The following LRP2BP variants were observed in gnomAD, a reference collection of about 807,000 sequenced individuals.
LRP2BP encodes the protein LRP2 binding protein.
LRP2BP carries 38 observed loss-of-function variants against 45.2 expected under a neutral mutation model. The ratio of observed to expected loss-of-function variants is 0.84; its 90% CI spans 0.65 to 1.10. The LOEUF is 1.10. Among genes scored for constraint, LRP2BP ranks in the 50% least tolerant of loss-of-function variants. The pLI is 0.00. For synonymous variants in LRP2BP, 153 were observed against 153.9 expected, an observed-to-expected ratio of 0.99 and a Z score of 0.04; for missense variants, 385 against 418.9, an observed-to-expected ratio of 0.92 and a Z score of 0.71.
intron 1 of LRP2BP, among the ~76,000 whole-genome samples, chr4:185,394,011 C>T (rs1269058731): frequency 1.3e-5 from 2 of 152,168 alleles, no homozygotes; most frequent in African/African-American, 4.8e-5. Flanking sequence ...GTAATCCCAA[C>T]ATTTTGGAAG....
rs773456843 is a variant in LRP2BP at position 185,373,012 on chromosome 4, A to T, written c.647T>A (p.Met216Lys). ...NLESQGALGL[M>K]YLYGQGIRQD... The stretch of plus-strand genomic sequence containing the variant: ...CCGGATGCCTTGTCCATACAAGTAC[A>T]TGAGCCCAAGTGCACCCTGGGACTC... Residue 216 changes from methionine (M) to lysine (K), a missense_variant, in exon 7 of 9, where the codon ATG (methionine) becomes AAG (lysine). Met to Lys is a moderately conservative substitution (Grantham distance 95, BLOSUM62 -1). Coordinates refer to ENST00000505916, the MANE Select transcript of LRP2BP (RefSeq NM_001377440.1). 6.2e-7 allele frequency: 1 copy of T among 1,613,832 alleles called. No homozygotes were observed. The highest frequency in any genetic ancestry group is 8.5e-7 in the Non-Finnish European group (1 of 1,179,696).
At chr4:185,367,269 AT>A in intron 8 of LRP2BP, 24 bp from the exon 9 acceptor site, 1 of 1,590,976 alleles carries the variant, frequency 6.3e-7, no homozygotes, top group South Asian at 1.1e-5. Flanking sequence ...AGAGTCAGAT[AT>A]TTAGATACAT....
intron 2 of LRP2BP, 47 bp from the exon 3 acceptor site, chr4:185,377,065 T>C: frequency 4.8e-6 from 6 of 1,248,944 alleles, no homozygotes; most frequent in Non-Finnish European, 7.1e-6. Flanking sequence ...CAATATGAAT[T>C]TTCTCTCTTG....
chr4:185,369,528 A>AC (rs2095407676), intron 8 of LRP2BP, among the ~76,000 whole-genome samples: 2 of 152,114 alleles, frequency 1.3e-5, no homozygotes, highest in Admixed American at 6.5e-5. Context: ...ACAGGCATGA[A>AC]CCACTGTGCC....
rs116827659 is a variant in LRP2BP, at chr4:185,372,016, G to A, written c.803+840C>T. ...GCTTTTATACACTGTGGGTAAATAC[G>A]TGTAGGAAAGTACATGGAGCCTTAC... On this transcript the variant is annotated intron_variant, in intron 7 of 8. Coordinates refer to ENST00000505916, the MANE Select transcript of LRP2BP (RefSeq NM_001377440.1). 3.0e-3 allele frequency among the ~76,000 whole-genome samples: 456 copies of A among 152,268 alleles called. 3 individuals carry two copies. The highest frequency in any genetic ancestry group is 0.01 in the African/African-American group (433 of 41,548).
intron 8 of LRP2BP, chr4:185,370,006 C>T (rs1176252223): frequency 5.0e-6 from 1 of 199,730 alleles, no homozygotes; most frequent in Non-Finnish European, 1.0e-5. Flanking sequence ...TGTGATGGAC[C>T]TAAGATGTGC....
chr4:185,374,071 A>G (rs1221557787), intron 6 of LRP2BP, 64 bp downstream of exon 6: 34 of 1,348,664 alleles, frequency 2.5e-5, no homozygotes, highest in Non-Finnish European at 3.4e-5. Context: ...ATTTTCTCAA[A>G]AAAAGCAGTG....
upstream of LRP2BP, chr4:185,396,968 A>G: frequency 5.0e-6 from 8 of 1,613,260 alleles, no homozygotes; most frequent in Non-Finnish European, 6.8e-6. Flanking sequence ...TCGGGCTCAC[A>G]GAGCCCGAGC....
rs568212334 is a variant in LRP2BP, at chr4:185,366,889, G to A, written c.*291C>T. The A allele has an allele frequency of 9.6e-5, 21 of 218,298 alleles. No homozygotes were observed. The highest frequency in any genetic ancestry group is 4.1e-4 in the African/African-American group (18 of 43,998). The allele number at this position is 218,298 out of a possible 1,614,324, so 13.5% of individuals were successfully genotyped here. ...TTTGGAGACTCGGTGTTTAAGAAAG[G>A]ATAAACGATACTTGCTGTATAGAAT... On this transcript the variant is annotated 3_prime_UTR_variant, in exon 9 of 9. Coordinates refer to ENST00000505916, the MANE Select transcript of LRP2BP (RefSeq NM_001377440.1).
At position 185,367,072 on chromosome 4, in the gene LRP2BP, C is replaced by A; in HGVS notation, c.*108G>T. 1 of 971,532 alleles carries A rather than the reference C, an allele frequency of 1.0e-6. No homozygotes were observed. The highest frequency in any genetic ancestry group is 1.6e-6 in the Non-Finnish European group (1 of 627,310). The allele number at this position is 971,532 out of a possible 1,614,324, so 60.2% of individuals were successfully genotyped here. A position where few individuals can be genotyped will look rare whatever the true frequency, so the allele number is the denominator to read the frequency against. On this transcript the variant is annotated 3_prime_UTR_variant, in exon 9 of 9. Coordinates refer to ENST00000505916, the MANE Select transcript of LRP2BP (RefSeq NM_001377440.1). ...AGTAACATGTCACCTGTAAAATACC[C>A]AGGATAGTGTAATTTGTGATGTGCA...
chr4:185,390,188 T>C (rs1193221794), intron 1 of LRP2BP, among the ~76,000 whole-genome samples: 1 of 152,194 alleles, frequency 6.6e-6, no homozygotes, highest in African/African-American at 2.4e-5. Flanking sequence ...CAAGCTCTCA[T>C]GTCTCACTCA....
chr4:185,388,946 G>C (rs1197740375), intron 1 of LRP2BP, among the ~76,000 whole-genome samples: 1 of 151,940 alleles, frequency 6.6e-6, no homozygotes, highest in Non-Finnish European at 1.5e-5. Context: ...TGCGATCTCG[G>C]CTCACTGCAA....
At chr4:185,378,342 A>C in intron 1 of LRP2BP, 135 bp from the exon 2 acceptor site, 4 of 1,432,198 alleles carry the variant, frequency 2.8e-6, no homozygotes, top group African/African-American at 2.9e-5. Flanking sequence ...CCAACCACCA[A>C]CTCCAGGACG....
intron 1 of LRP2BP, among the ~76,000 whole-genome samples, chr4:185,391,095 T>A (rs1039033220): frequency 2.6e-5 from 4 of 152,236 alleles, no homozygotes; most frequent in Admixed American, 6.5e-5. Context: ...TTCCCTTGTT[T>A]TTCATAACCT....
In LRP2BP at chr4:185,395,883, T is replaced by A. The variant is rs762931711; in HGVS notation, c.-1126A>T. On this transcript the variant is annotated 5_prime_UTR_variant, in exon 1 of 9. Coordinates refer to ENST00000505916, the MANE Select transcript of LRP2BP (RefSeq NM_001377440.1). ...AAGAAACACTCGGCTGGAGCTTTGG[T>A]TTCTAAGCAGATCCTTCTGGAAAGA... is the stretch of plus-strand genomic sequence containing the variant. 332 of 985,398 alleles carry A rather than the reference T, an allele frequency of 3.4e-4. 1 individual carries two copies. Among genetic ancestry groups the A allele is most frequent in the Admixed American group, 6.8e-4 (11 of 16,290 alleles). 61.0% of individuals were successfully genotyped at this position (985,398 alleles called of 1,614,324 possible).
intron 8 of LRP2BP, among the ~76,000 whole-genome samples, chr4:185,368,608 T>C (rs537761954): frequency 1.9e-4 from 29 of 152,278 alleles, no homozygotes; most frequent in African/African-American, 6.5e-4. Context: ...TCCAGACCCT[T>C]CACTGGTTTA....
chr4:185,378,241 T>C, intron 1 of LRP2BP, 34 bp from the exon 2 acceptor site: 1 of 1,603,020 alleles, frequency 6.2e-7, no homozygotes, highest in Non-Finnish European at 8.5e-7. Flanking sequence ...GTGGTAGAAA[T>C]TTCTTCCTCC....
intron 1 of LRP2BP, among the ~76,000 whole-genome samples, chr4:185,383,955 G>A (rs1169053027): frequency 6.6e-6 from 1 of 152,144 alleles, no homozygotes; most frequent in Non-Finnish European, 1.5e-5. Flanking sequence ...TGTTGTTGTT[G>A]CTAATCTTGT....
intron 2 of LRP2BP, 38 bp downstream of exon 2, chr4:185,378,043 G>A (rs1334431371): frequency 5.3e-6 from 8 of 1,507,662 alleles, no homozygotes; most frequent in East Asian, 2.3e-5. Context: ...AACTGTTAAA[G>A]TGTTTTCCAA....
Sources: allele counts gnomAD v4.1 joint callset (sites outside exome capture counted in the v4.1 genomes callset), GRCh38; gene constraint gnomAD v4.1.1; transcripts MANE v1.5; gene names NCBI Gene and HGNC (gene_info 2026-07-23, HGNC 2026-07-21).